Variants in RPS6KA1 observed in about 807,000 individuals in gnomAD.
RPS6KA1 encodes ribosomal protein S6 kinase A1.
RPS6KA1 carries 48 observed loss-of-function variants against 91.3 expected under a neutral mutation model. The ratio of observed to expected loss-of-function variants is 0.53; its 90% CI spans 0.42 to 0.67. RPS6KA1 has a LOEUF of 0.67. Ranked by LOEUF, RPS6KA1 falls within the 30% of genes least tolerant of loss-of-function variation. The pLI, the probability that RPS6KA1 is intolerant of heterozygous loss-of-function variation, is 0.00. For missense variants in RPS6KA1, 719 were observed against 960.5 expected (o/e 0.75, Z 3.32); for synonymous variants, 359 against 384.7 (o/e 0.93, Z 0.78).
chr1:26,532,000 A>T (rs886980128), intron 1 of RPS6KA1, among the ~76,000 whole-genome samples: 10 of 152,288 alleles, frequency 6.6e-5, no homozygotes, highest in Admixed American at 2.0e-4. Context: ...ACCTGCACGT[A>T]CAGGCACCAC....
intron 2 of RPS6KA1, among the ~76,000 whole-genome samples, chr1:26,541,894 G>T (rs969573886): frequency 6.6e-6 from 1 of 152,244 alleles, no homozygotes; most frequent in South Asian, 2.1e-4. Context: ...AGGCCTGGGG[G>T]CTCTGGGCTT....
intron 2 of RPS6KA1, among the ~76,000 whole-genome samples, chr1:26,544,771 GC>G (rs1223976924): frequency 6.7e-6 from 1 of 149,282 alleles, no homozygotes; most frequent in Non-Finnish European, 1.5e-5. Context: ...ACCACGCCCA[GC>G]CTGCCTGTTG....
Position 26,555,076 on chromosome 1 carries a change from G to A in RPS6KA1, c.757-75G>A. ...CAAGAATCCTGGGACTGGGGCAGAG[G>A]GGTCTGACTGGGAGGAGGCGGGAGG... On this transcript the variant is annotated intron_variant, in intron 9 of 21. Coordinates refer to ENST00000374168, the MANE Select transcript of RPS6KA1 (RefSeq NM_002953.4). The surrounding 1 kb of genome is among the most constrained non-coding windows in gnomAD (Gnocchi z 4.3). The A allele has an allele frequency of 3.0e-6, 4 of 1,348,822 alleles. No individual in the cohort carries two copies. The South Asian group carries it at 3.5e-5, about 12-fold the overall frequency. The allele number at this position is 1,348,822 out of a possible 1,614,324, so 83.6% of individuals were successfully genotyped here. A position where few individuals can be genotyped will look rare whatever the true frequency, so the allele number is the denominator to read the frequency against.
In RPS6KA1 at chr1:26,540,026, G is replaced by T. The variant is rs2075935328; in HGVS notation, c.108+3057G>T. 6.6e-6 allele frequency among the ~76,000 whole-genome samples: 1 copy of T among 152,208 alleles called. No homozygotes were observed. The highest frequency in any genetic ancestry group is 2.1e-4 in the South Asian group (1 of 4,834). On this transcript the variant is annotated intron_variant, in intron 2 of 21. Coordinates refer to ENST00000374168, the MANE Select transcript of RPS6KA1 (RefSeq NM_002953.4). This position sits in a 1 kb window ranked among gnomAD's most constrained non-coding sequence, Gnocchi z 4.2. The stretch of plus-strand genomic sequence containing the variant: ...TGTGGACTTCAGGGAGCCTTGGGCA[G>T]CCTCAGGTGTTGGGAGGAACTTCCC...
At chr1:26,565,126 A>G (rs1422460995) in intron 17 of RPS6KA1, among the ~76,000 whole-genome samples, 3 of 152,198 alleles carry the variant, frequency 2.0e-5, no homozygotes, top group African/African-American at 7.2e-5. Context: ...ATGTGTCTCC[A>G]AAGTTTCTGG....
Position 26,547,794 on chromosome 1 carries a change from G to A in RPS6KA1, c.307+524G>A, listed in dbSNP as rs1487484497. Among the ~76,000 whole-genome samples, 3 of 152,208 alleles carry A rather than the reference G, an allele frequency of 2.0e-5. No individual in the cohort carries two copies. Among genetic ancestry groups the A allele is most frequent in the Non-Finnish European group, 4.4e-5 (3 of 68,038 alleles). On this transcript the variant is annotated intron_variant, in intron 4 of 21. Transcript: ENST00000374168. The surrounding 1 kb of genome is among the most constrained non-coding windows in gnomAD (Gnocchi z 4.1). ...AAAGGGTGTGAAGATGGTTGGTAGT[G>A]GGCTTTGGGTTGGATACTGACCACT...
Position 26,548,946 on chromosome 1 carries a change from G to T in RPS6KA1, c.307+1676G>T, listed in dbSNP as rs901332961. Among the ~76,000 whole-genome samples the T allele has an allele frequency of 2.0e-5, 3 of 151,842 alleles. No homozygotes were observed. The East Asian group carries it at 5.8e-4, about 29-fold the overall frequency. On this transcript the variant is annotated intron_variant, in intron 4 of 21. Transcript: ENST00000374168. The stretch of plus-strand genomic sequence containing the variant: ...TGCAGCCCTGTGTGCTGACATAGAA[G>T]GTGTGTTGGAAGGCAGCTGCAGCTT...
rs1291385227 is a variant in RPS6KA1, at chr1:26,557,116, G to A, written c.1084+16G>A. On this transcript the variant is annotated intron_variant, in intron 13 of 21. Transcript: ENST00000374168. ...ACACCCAAGGGTGCGTCCCTTATCT[G>A]TTTTGTCTGTCTTGGGCTGGTACAG... The A allele has an allele frequency of 7.5e-6, 12 of 1,603,138 alleles. No individual in the cohort carries two copies. The highest frequency in any genetic ancestry group is 9.4e-6 in the Non-Finnish European group (11 of 1,170,882).
intron 2 of RPS6KA1, among the ~76,000 whole-genome samples, chr1:26,546,487 T>G (rs1467279317): frequency 6.6e-6 from 1 of 152,126 alleles, no homozygotes; most frequent in Non-Finnish European, 1.5e-5. Context: ...TACCTCCCCA[T>G]ATGAGAACAA....
intron 1 of RPS6KA1, among the ~76,000 whole-genome samples, chr1:26,532,053 C>A (rs974857771): frequency 6.6e-6 from 1 of 152,170 alleles, no homozygotes; most frequent in African/African-American, 2.4e-5. Flanking sequence ...AGGTGAGGGG[C>A]TGGTGGGGGA....
chr1:26,537,338 C>T (rs1172270086), intron 2 of RPS6KA1, among the ~76,000 whole-genome samples: 3 of 152,182 alleles, frequency 2.0e-5, no homozygotes, highest in Admixed American at 2.0e-4. Flanking sequence ...CTGCGCTTGC[C>T]AAGAGCCTGG....
chr1:26,561,101 T>C lies in RPS6KA1; in HGVS notation c.1398T>C (p.Tyr466=), dbSNP rs1064196. 501,180 of 1,613,120 alleles carry C rather than the reference T, an allele frequency of 0.31. 87,673 individuals are homozygous for C. Among genetic ancestry groups the C allele is most frequent in the East Asian group, 0.74 (33,396 of 44,852 alleles). Residue 466 remains tyrosine, a synonymous_variant, in exon 16 of 22, where the codon TAT becomes TAC. Transcript: ENST00000374168. This position sits in a 1 kb window ranked among gnomAD's most constrained non-coding sequence, Gnocchi z 5.7. ...PSEEIEILLR[Y]GQHPNIITLK... is the part of the protein sequence containing the mutation. ...AAGAGATTGAGATTCTTCTGCGGTATGGCCAGCACCCCAACATCATCACTC... is the reference window on the plus strand; with the variant it reads ...AAGAGATTGAGATTCTTCTGCGGTACGGCCAGCACCCCAACATCATCACTC...
At chr1:26,533,914 CT>C (rs1332306368) in intron 1 of RPS6KA1, among the ~76,000 whole-genome samples, 5 of 152,124 alleles carry the variant, frequency 3.3e-5, no homozygotes, top group African/African-American at 9.7e-5. Context: ...CACAACCCCC[CT>C]GACCCCCCTA....
intron 1 of RPS6KA1, chr1:26,530,674 G>T: frequency 8.7e-7 from 1 of 1,147,562 alleles, no homozygotes; most frequent in Non-Finnish European, 1.1e-6. Context: ...CGGTAGGAAG[G>T]GCTGGGCCCT....
rs1489561182 is a variant in RPS6KA1, at chr1:26,571,911, C to T, written c.1815C>T (p.Tyr605=). 3.7e-6 allele frequency: 6 copies of T among 1,611,870 alleles called. No individual in the cohort carries two copies. Among genetic ancestry groups the T allele is most frequent in the Non-Finnish European group, 4.2e-6 (5 of 1,179,912 alleles). The change falls in exon 19 of 22, where the codon TAC becomes TAT. Residue 605 remains tyrosine, a synonymous_variant. Transcript: ENST00000374168. The surrounding 1 kb of genome is among the most constrained non-coding windows in gnomAD (Gnocchi z 5.1). ...TCTGGAGCCTGGGCATTCTGCTGTA[C>T]ACCATGCTGGCAGGGTGAGTGCCCC... ...CDIWSLGILL[Y]TMLAGYTPFA... is the part of the protein sequence containing the mutation.
intron 1 of RPS6KA1, among the ~76,000 whole-genome samples, chr1:26,536,517 C>T (rs1402806522): frequency 6.6e-6 from 1 of 152,202 alleles, no homozygotes; most frequent in Admixed American, 6.5e-5. Flanking sequence ...TACCCCACCC[C>T]ATGTTACAGA....
Position 26,561,868 on chromosome 1 carries a change from A to G in RPS6KA1, c.1590+205A>G, listed in dbSNP as rs544811870. On this transcript the variant is annotated intron_variant, in intron 17 of 21. Transcript: ENST00000374168. This position sits in a 1 kb window ranked among gnomAD's most constrained non-coding sequence, Gnocchi z 5.7. ...GGGAAGGTATGGAAAGTTATTCAGT[A>G]TCTACTGTGTGCCAGGCACCATGGT... 6.6e-6 allele frequency among the ~76,000 whole-genome samples: 1 copy of G among 152,276 alleles called. No homozygotes were observed. Among genetic ancestry groups the G allele is most frequent in the African/African-American group, 2.4e-5 (1 of 41,542 alleles).
Position 26,529,856 on chromosome 1 carries a change from C to T in RPS6KA1, c.-65C>T. ...GGTTCGGGTCGCAGAGCCAGGGACC[C>T]CAGGACCCGGGAGGCGGCGCAGCCG... On this transcript the variant is annotated 5_prime_UTR_variant, in exon 1 of 22. Transcript: ENST00000374168. This position sits in a 1 kb window ranked among gnomAD's most constrained non-coding sequence, Gnocchi z 4.2. 1 of 1,323,318 alleles carries T rather than the reference C, an allele frequency of 7.6e-7. No individual in the cohort carries two copies. The highest frequency in any genetic ancestry group is 2.8e-4 in the Middle Eastern group (1 of 3,600). The allele number at this position is 1,323,318 out of a possible 1,614,324, so 82.0% of individuals were successfully genotyped here.
intron 1 of RPS6KA1, among the ~76,000 whole-genome samples, chr1:26,535,979 C>T (rs1198797796): frequency 1.8e-4 from 28 of 151,716 alleles, no homozygotes; most frequent in African/African-American, 6.5e-4. Context: ...GGTGAAACCC[C>T]GTGTCTACTA....
Sources: gnomAD v4.1 joint callset for allele counts (sites outside exome capture counted in the v4.1 genomes callset) on GRCh38, gnomAD v4.1.1 for gene constraint, Gnocchi (gnomAD v3.1) non-coding constraint, MANE v1.5 for transcripts, NCBI Gene and HGNC (gene_info 2026-07-23, HGNC 2026-07-21) for gene names.